MARCHF7: variants seen among roughly 807,000 people sequenced by gnomAD.
MARCHF7 encodes the protein E3 ubiquitin-protein ligase MARCHF7.
MARCHF7 carries 20 observed loss-of-function variants against 76.5 expected under a neutral mutation model. That is an observed-to-expected ratio of 0.26 (90% CI 0.18 to 0.38). The LOEUF (loss-of-function observed/expected upper bound fraction) is 0.38, where lower values mean the gene tolerates loss of function less well. MARCHF7 is among the 10% of genes least tolerant of loss of function. The pLI, the probability that MARCHF7 is intolerant of heterozygous loss-of-function variation, is 1.00. For missense variants in MARCHF7, 797 were observed against 812.9 expected, an observed-to-expected ratio of 0.98 and a Z score of 0.24; for synonymous variants, 295 against 293.0, an observed-to-expected ratio of 1.01 and a Z score of -0.07.
rs1025369784 is a variant in MARCHF7 at position 159,768,456 on chromosome 2, T to G, written c.*1114T>G. ...GTCTGATGTTATGGCAACAAACTACTTTTTCAAACCTAAATAGGAACCATG... is the reference window on the plus strand; with the variant it reads ...GTCTGATGTTATGGCAACAAACTACGTTTTCAAACCTAAATAGGAACCATG... On this transcript the variant is annotated 3_prime_UTR_variant, in exon 12 of 12. Transcript: ENST00000409175. The G allele has an allele frequency of 2.0e-5, 3 of 152,612 alleles. No individual in the cohort carries two copies. In the South Asian group the frequency reaches 6.2e-4, roughly 32 times the overall value. 9.5% of individuals were successfully genotyped at this position (152,612 alleles called of 1,614,324 possible). A position where few individuals can be genotyped will look rare whatever the true frequency, so the allele number is the denominator to read the frequency against.
chr2:159,738,958 C>T (rs1392431558), intron 4 of MARCHF7, among the ~76,000 whole-genome samples: 1 of 152,250 alleles, frequency 6.6e-6, no homozygotes, highest in Non-Finnish European at 1.5e-5. Context: ...CTTGGCTTCC[C>T]TTTGTGCTTG....
In MARCHF7 at chr2:159,729,045, T is replaced by G; in HGVS notation, c.23T>G (p.Ile8Ser). ...AGAATGGAGTCTAAACCTTCAAGGATTCCAAGAAGAATTTCTGTTCAACCT... is the reference window on the plus strand; with the variant it reads ...AGAATGGAGTCTAAACCTTCAAGGAGTCCAAGAAGAATTTCTGTTCAACCT... MESKPSR[I>S]PRRISVQPSS... The change falls in exon 4 of 12, where the codon ATT becomes AGT. Residue 8 changes from isoleucine (I) to serine (S), a missense_variant. Transcript: ENST00000409175. 6.3e-7 allele frequency: 1 copy of G among 1,590,028 alleles called. No homozygotes were observed. The highest frequency in any genetic ancestry group is 8.5e-7 in the Non-Finnish European group (1 of 1,172,430).
chr2:159,751,378 A>G (rs2125630723), intron 7 of MARCHF7, among the ~76,000 whole-genome samples: 1 of 152,318 alleles, frequency 6.6e-6, no homozygotes, highest in African/African-American at 2.4e-5. Context: ...ACATTCTACA[A>G]TTAAAAATGG....
intron 4 of MARCHF7, among the ~76,000 whole-genome samples, chr2:159,740,219 T>C (rs1703967278): frequency 6.6e-6 from 1 of 152,354 alleles, no homozygotes; most frequent in African/African-American, 2.4e-5. Flanking sequence ...TCTAAAAGTC[T>C]TTCTATATAG....
intron 4 of MARCHF7, among the ~76,000 whole-genome samples, chr2:159,731,043 C>T (rs1702726478): frequency 6.6e-6 from 1 of 152,138 alleles, no homozygotes; most frequent in Non-Finnish European, 1.5e-5. Flanking sequence ...CAGGGACGTG[C>T]CACCATGCCT....
At chr2:159,764,255 T>TGTGTGTGCGC (rs10592175) in intron 10 of MARCHF7, among the ~76,000 whole-genome samples, 235 of 131,458 alleles carry the variant, frequency 1.8e-3, no homozygotes, top group African/African-American at 6.6e-3. Context: ...TGTGTGTGTG[T>TGTGTGTGCGC]GCGCGCGCCC....
Position 159,714,538 on chromosome 2 carries a change from A to G in MARCHF7, c.-142-19A>G, listed in dbSNP as rs1700813016. 1 of 152,188 alleles carries G rather than the reference A, an allele frequency of 6.6e-6. No homozygotes were observed. The highest frequency in any genetic ancestry group is 2.4e-5 in the African/African-American group (1 of 41,454). 9.4% of individuals were successfully genotyped at this position (152,188 alleles called of 1,614,324 possible). On this transcript the variant is annotated intron_variant, in intron 1 of 11. Coordinates refer to ENST00000409175, the MANE Select transcript of MARCHF7 (RefSeq NM_001282805.2). ...TTGATAAAGAAACTGCAAAGTCATG[A>G]TATTATGGTTTGTTTTAGGAATTCA...
At chr2:159,718,268 C>G (rs138561188) in intron 3 of MARCHF7, among the ~76,000 whole-genome samples, 66 of 152,202 alleles carry the variant, frequency 4.3e-4, no homozygotes, top group African/African-American at 1.4e-3. Flanking sequence ...AAAAATTAGG[C>G]AAAGATTGAC....
intron 4 of MARCHF7, among the ~76,000 whole-genome samples, chr2:159,740,475 C>A (rs936040213): frequency 5.3e-5 from 8 of 152,132 alleles, no homozygotes; most frequent in Non-Finnish European, 1.2e-4. Flanking sequence ...AGTGACAGTT[C>A]TTTCTCAATT....
Position 159,748,637 on chromosome 2 carries a change from A to G in MARCHF7, c.1347A>G (p.Gln449=). 6 of 1,614,218 alleles carry G rather than the reference A, an allele frequency of 3.7e-6. No homozygotes were observed. The highest frequency in any genetic ancestry group is 5.1e-6 in the Non-Finnish European group (6 of 1,180,038). ...TTGGAGCTGCTGCCAACAGACCACA[A>G]GCATCTGCAGCATCAAGCAGTGCCA... ...DPLGAAANRP[Q]ASAASSSATT... Residue 449 remains glutamine (Q), a synonymous_variant, in exon 7 of 12, where the codon CAA becomes CAG. Transcript: ENST00000409175.
At chr2:159,747,738 C>G (rs1223424789) in intron 6 of MARCHF7, 67 bp from the exon 7 acceptor site, 2 of 1,458,078 alleles carry the variant, frequency 1.4e-6, no homozygotes, top group African/African-American at 2.8e-5. Context: ...TGGCATTCAA[C>G]ATAATAAATG....
At chr2:159,753,570 A>G (rs1267641064) in intron 8 of MARCHF7, among the ~76,000 whole-genome samples, 1 of 151,620 alleles carries the variant, frequency 6.6e-6, no homozygotes, top group Non-Finnish European at 1.5e-5. Context: ...AAAAGTTGAG[A>G]TGAGAAAGAT....
At chr2:159,716,127 G>C (rs1256985300) in intron 3 of MARCHF7, among the ~76,000 whole-genome samples, 1 of 148,172 alleles carries the variant, frequency 6.7e-6, no homozygotes, top group East Asian at 1.9e-4. Flanking sequence ...CTAAAAGTTA[G>C]TTAAGGGAGA....
chr2:159,764,058 G>A (rs200645936), intron 10 of MARCHF7, among the ~76,000 whole-genome samples: 1 of 152,056 alleles, frequency 6.6e-6, no homozygotes. Flanking sequence ...CTGAATTCAT[G>A]TGTTTTTAAA....
intron 8 of MARCHF7, among the ~76,000 whole-genome samples, chr2:159,758,432 A>G (rs548036700): frequency 3.9e-5 from 6 of 152,274 alleles, no homozygotes; most frequent in East Asian, 1.9e-4. Flanking sequence ...CATCACTCCT[A>G]TTTCCAAAAT....
intron 4 of MARCHF7, among the ~76,000 whole-genome samples, chr2:159,734,712 C>T (rs1302490668): frequency 6.6e-6 from 1 of 151,096 alleles, no homozygotes; most frequent in East Asian, 2.0e-4. Context: ...TGGCTCACTC[C>T]TTTAATCTCA....
In MARCHF7 at chr2:159,732,698, T is replaced by TA. The variant is rs147110872; in HGVS notation, c.153+3529dup. 214 of 261,222 alleles carry TA rather than the reference T, an allele frequency of 8.2e-4. 5 individuals are homozygous for TA. The East Asian group carries it at 0.032, about 39-fold the overall frequency. 16.2% of individuals were successfully genotyped at this position (261,222 alleles called of 1,614,324 possible). A position where few individuals can be genotyped will look rare whatever the true frequency, so the allele number is the denominator to read the frequency against. On this transcript the variant is annotated intron_variant, in intron 4 of 11. Transcript: ENST00000409175. The stretch of plus-strand genomic sequence containing the variant: ...ACACACACACACGTGGCTAATTTTT[T>TA]AAAAAATTTTTCTTATAGAGATGGG...
chr2:159,761,402 A>ATT (rs1437341788), intron 9 of MARCHF7, among the ~76,000 whole-genome samples: 5 of 68,432 alleles, frequency 7.3e-5, no homozygotes, highest in Admixed American at 2.2e-4. Flanking sequence ...TAAGTGAATC[A>ATT]TTTCTTTTTT....
At chr2:159,764,212 T>TGTGTG (rs1413522143) in intron 10 of MARCHF7, among the ~76,000 whole-genome samples, 3 of 138,566 alleles carry the variant, frequency 2.2e-5, no homozygotes, top group African/African-American at 8.4e-5. Flanking sequence ...CTTGGGAGTT[T>TGTGTG]TGTGTGTGTG....
Sources: gnomAD v4.1 joint callset for allele counts (sites outside exome capture counted in the v4.1 genomes callset) on GRCh38, gnomAD v4.1.1 for gene constraint, MANE v1.5 for transcripts, NCBI Gene and HGNC (gene_info 2026-07-23, HGNC 2026-07-21) for gene names.